HNF4G: variants seen among roughly 807,000 people sequenced by gnomAD.
The protein encoded by HNF4G is hepatocyte nuclear factor 4-gamma.
HNF4G carries 21 observed loss-of-function variants against 50.9 expected under a neutral mutation model. The ratio of observed to expected loss-of-function variants is 0.41; its 90% CI spans 0.29 to 0.59. HNF4G has a LOEUF of 0.59. HNF4G is among the 20% of genes least tolerant of loss of function. HNF4G has a pLI of 0.26. For synonymous variants in HNF4G, 198 were observed against 185.6 expected (o/e 1.07, Z -0.54); for missense variants, 527 against 559.4 (o/e 0.94, Z 0.58).
intron 1 of HNF4G, among the ~76,000 whole-genome samples, chr8:75,462,362 A>T (rs1375291913): frequency 6.6e-6 from 1 of 152,182 alleles, no homozygotes; most frequent in Non-Finnish European, 1.5e-5. Context: ...GAACTGTGAC[A>T]GTTGATCTGA....
chr8:75,420,489 T>C lies in HNF4G; in HGVS notation c.-144+12327T>C, dbSNP rs1033764777. Reference sequence around the variant, plus strand: ...ACCTCTTGCAACTCTCTTTGACCCCTGAAGTTTTAGTCACATCTGAGTTTT... The same window carrying C: ...ACCTCTTGCAACTCTCTTTGACCCCCGAAGTTTTAGTCACATCTGAGTTTT... On this transcript the variant is annotated intron_variant, in intron 1 of 10. Coordinates refer to the HNF4G transcript ENST00000354370. Among the ~76,000 whole-genome samples, 43 of 152,242 alleles carry C rather than the reference T, an allele frequency of 2.8e-4. 1 individual carries two copies. The highest frequency in any genetic ancestry group is 1.2e-3 in the Admixed American group (19 of 15,288).
chr8:75,434,705 C>CACACAT (rs1429713089), intron 1 of HNF4G, among the ~76,000 whole-genome samples: 1 of 151,692 alleles, frequency 6.6e-6, no homozygotes, highest in Admixed American at 6.6e-5. Context: ...CACACACACA[C>CACACAT]ATACACAAAT....
At chr8:75,493,130 A>G (rs1409904816) in intron 2 of HNF4G, among the ~76,000 whole-genome samples, 6 of 151,972 alleles carry the variant, frequency 3.9e-5, no homozygotes, top group Non-Finnish European at 5.9e-5. Flanking sequence ...ATGTAGATCT[A>G]CCTTATTTTA....
At chr8:75,459,463 A>C (rs1035927229) in intron 1 of HNF4G, among the ~76,000 whole-genome samples, 2 of 152,178 alleles carry the variant, frequency 1.3e-5, no homozygotes, top group Non-Finnish European at 2.9e-5. Context: ...TCAATAAGAG[A>C]ATGTAAAAAA....
At chr8:75,449,530 G>A (rs200455306) in intron 1 of HNF4G, among the ~76,000 whole-genome samples, 1 of 118,854 alleles carries the variant, frequency 8.4e-6, no homozygotes, top group East Asian at 2.3e-4. Context: ...TTTTTGAGAC[G>A]GAGTCTCACT....
intron 2 of HNF4G, among the ~76,000 whole-genome samples, chr8:75,533,502 A>G (rs1806383143): frequency 6.6e-6 from 1 of 151,958 alleles, no homozygotes; most frequent in Non-Finnish European, 1.5e-5. Flanking sequence ...CTTACTTGAG[A>G]GTGATAATAG....
chr8:75,542,874 G>A lies in HNF4G; in HGVS notation c.119-937G>A, dbSNP rs149917361. ...GGTTGATTGAATAAGGATGTCCATA[G>A]TGAAAAGTTGTGAATTAAATATGTA... is the stretch of plus-strand genomic sequence containing the variant. On this transcript the variant is annotated intron_variant, in intron 1 of 9. Coordinates refer to ENST00000396423, the MANE Select transcript of HNF4G (RefSeq NM_004133.5). 2.6e-3 allele frequency among the ~76,000 whole-genome samples: 403 copies of A among 152,252 alleles called. 3 individuals are homozygous for A. Among genetic ancestry groups the A allele is most frequent in the Non-Finnish European group, 4.7e-3 (320 of 68,030 alleles).
intron 5 of HNF4G, 40 bp downstream of exon 5, chr8:75,553,237 C>T (rs770939133): frequency 2.0e-6 from 3 of 1,533,478 alleles, no homozygotes; most frequent in African/African-American, 2.8e-5. Context: ...AAAAATGCTT[C>T]TTGAACTTTG....
At chr8:75,487,537 A>C (rs1812525852) in intron 1 of HNF4G, among the ~76,000 whole-genome samples, 1 of 152,062 alleles carries the variant, frequency 6.6e-6, no homozygotes, top group African/African-American at 2.4e-5. Context: ...AACACTAATT[A>C]TTTGCCTTTC....
At chr8:75,494,954 T>C (rs1812730940) in intron 2 of HNF4G, among the ~76,000 whole-genome samples, 1 of 152,300 alleles carries the variant, frequency 6.6e-6, no homozygotes, top group East Asian at 1.9e-4. Flanking sequence ...AAGGAAACTA[T>C]ATAGTTTCAT....
chr8:75,558,378 C>T, intron 6 of HNF4G, 140 bp from the exon 7 acceptor site: 1 of 683,548 alleles, frequency 1.5e-6, no homozygotes, highest in Non-Finnish European at 2.4e-6. Flanking sequence ...CTAACAACAC[C>T]ACTGAGAGAG....
At chr8:75,478,182 C>G (rs955711514) in intron 1 of HNF4G, among the ~76,000 whole-genome samples, 6 of 151,910 alleles carry the variant, frequency 3.9e-5, no homozygotes, top group Non-Finnish European at 7.4e-5. Context: ...GGCGTGGTGG[C>G]GGGTGCCTGT....
intron 1 of HNF4G, among the ~76,000 whole-genome samples, chr8:75,488,577 C>T (rs1812548793): frequency 6.6e-6 from 1 of 152,060 alleles, no homozygotes; most frequent in Non-Finnish European, 1.5e-5. Context: ...TATGCCCGGC[C>T]TCATTGGACG....
intron 1 of HNF4G, among the ~76,000 whole-genome samples, chr8:75,475,165 AC>A (rs1457623686): frequency 1.1e-4 from 16 of 151,344 alleles, no homozygotes; most frequent in African/African-American, 3.9e-4. Context: ...ACATGCCAAC[AC>A]GCCCAGCTAA....
At chr8:75,525,753 G>A (rs1806160596) in intron 2 of HNF4G, among the ~76,000 whole-genome samples, 1 of 152,138 alleles carries the variant, frequency 6.6e-6, no homozygotes, top group Non-Finnish European at 1.5e-5. Context: ...ATTATATTTT[G>A]AAATGGAGCA....
intron 1 of HNF4G, among the ~76,000 whole-genome samples, chr8:75,425,062 C>CTATT (rs71271860): frequency 0.11 from 15,485 of 142,466 alleles, 962 homozygotes; most frequent in African/African-American, 0.16. Flanking sequence ...TCAATGCAGC[C>CTATT]TATTTATTTA....
intron 1 of HNF4G, among the ~76,000 whole-genome samples, chr8:75,461,873 TAA>T (rs984443207): frequency 1.5e-4 from 13 of 87,858 alleles, no homozygotes; most frequent in African/African-American, 9.9e-4. Flanking sequence ...ATGGTCTCTT[TAA>T]AAAAAAATAA....
At chr8:75,514,995 A>G (rs933168715) in intron 2 of HNF4G, among the ~76,000 whole-genome samples, 3 of 152,040 alleles carry the variant, frequency 2.0e-5, no homozygotes, top group African/African-American at 7.2e-5. Context: ...AATAATATAA[A>G]CCCTTAAGAA....
chr8:75,490,923 T>A (rs1196591634), intron 2 of HNF4G, among the ~76,000 whole-genome samples: 1 of 152,186 alleles, frequency 6.6e-6, no homozygotes, highest in South Asian at 2.1e-4. Context: ...TAGCTTCCTA[T>A]ATTAGTCAGC....
Sources: gnomAD v4.1 joint callset for allele counts (sites outside exome capture counted in the v4.1 genomes callset) on GRCh38, gnomAD v4.1.1 for gene constraint, MANE v1.5 for transcripts, NCBI Gene and HGNC (gene_info 2026-07-23, HGNC 2026-07-21) for gene names.